FAM161A: variants seen among roughly 807,000 people sequenced by gnomAD.
FAM161A encodes protein FAM161A.
FAM161A carries 57 observed loss-of-function variants against 70.9 expected under a neutral mutation model. The ratio of observed to expected loss-of-function variants is 0.80; its 90% confidence interval spans 0.65 to 1.00. FAM161A has a LOEUF of 1.00. Ranked by LOEUF, FAM161A falls within the 50% of genes least tolerant of loss-of-function variation. FAM161A has a pLI of 0.00. For synonymous variants in FAM161A, 299 were observed against 295.7 expected, an observed-to-expected ratio of 1.01 and a Z score of -0.12; for missense variants, 880 against 836.0, an observed-to-expected ratio of 1.05 and a Z score of -0.65.
downstream of FAM161A, among the ~76,000 whole-genome samples, chr2:61,819,962 A>AT (rs577135079): frequency 9.3e-4 from 141 of 152,204 alleles, no homozygotes; most frequent in Admixed American, 2.6e-3. Context: ...CATAGAGGAT[A>AT]TTTTTTGTCT....
the FAM161A span, among the ~76,000 whole-genome samples, chr2:61,813,378 T>TAA: frequency 2.1e-3 from 309 of 144,878 alleles, 1 homozygote; most frequent in Middle Eastern, 0.018. Flanking sequence ...TCGTCTCTAC[T>TAA]AAAAAAAAAA....
the FAM161A span, among the ~76,000 whole-genome samples, chr2:61,817,768 A>G: frequency 6.6e-6 from 1 of 152,274 alleles, no homozygotes; most frequent in East Asian, 1.9e-4. Context: ...GGAGACCAAG[A>G]CCAGCCTGGG....
chr2:61,826,500 G>C lies in FAM161A; in HGVS notation c.2106C>G (p.Ala702=), dbSNP rs1373123200. Residue 702 remains alanine (A), a synonymous_variant, in exon 7 of 7, where the codon GCC becomes GCG. Transcript: ENST00000404929. ...ATTTCTCTTCTTCACTTTCCTCATT[G>C]GCTTCATCTTTTTCCTTGTAAGAAT... ...SQDSYKEKDE[A]NEESEEEKSV... is the part of the protein sequence containing the mutation. 6.2e-7 allele frequency: 1 copy of C among 1,608,464 alleles called. No homozygotes were observed. The highest frequency in any genetic ancestry group is 2.2e-5 in the East Asian group (1 of 44,832).
At chr2:61,807,633 A>ATTTTT in the FAM161A span, among the ~76,000 whole-genome samples, 194 of 113,298 alleles carry the variant, frequency 1.7e-3, 4 homozygotes, top group African/African-American at 5.5e-3. Context: ...TGGACTCCAG[A>ATTTTT]TTTTTTTTTT....
chr2:61,813,028 A>C, the FAM161A span, among the ~76,000 whole-genome samples: 1 of 152,122 alleles, frequency 6.6e-6, no homozygotes, highest in Non-Finnish European at 1.5e-5. Context: ...ATGCCACTGC[A>C]CTCCAGCCTG....
chr2:61,807,974 C>T, the FAM161A span, among the ~76,000 whole-genome samples: 1 of 152,118 alleles, frequency 6.6e-6, no homozygotes, highest in East Asian at 1.9e-4. Context: ...AGTGTGGGCC[C>T]AGTGCTGCTA....
chr2:61,832,174 G>T (rs1672601470), intron 5 of FAM161A, among the ~76,000 whole-genome samples: 1 of 150,740 alleles, frequency 6.6e-6, no homozygotes, highest in Non-Finnish European at 1.5e-5. Flanking sequence ...GAGCCCAAGG[G>T]GTTAAAGTTG....
chr2:61,812,291 T>C, the FAM161A span, among the ~76,000 whole-genome samples: 2 of 152,280 alleles, frequency 1.3e-5, no homozygotes, highest in Non-Finnish European at 2.9e-5. Flanking sequence ...TGTTTGCTGA[T>C]GTATTCTCAG....
intron 5 of FAM161A, 63 bp downstream of exon 5, chr2:61,835,947 A>G: frequency 9.8e-7 from 1 of 1,015,234 alleles, no homozygotes; most frequent in Non-Finnish European, 1.5e-6. Flanking sequence ...TAAATTTAGG[A>G]GCTAAAGCTG....
At chr2:61,802,336 T>C in the FAM161A span, among the ~76,000 whole-genome samples, 6 of 152,110 alleles carry the variant, frequency 3.9e-5, no homozygotes, top group African/African-American at 1.4e-4. Flanking sequence ...TCCAGCACCA[T>C]AGGTAATCCG....
intron 1 of FAM161A, among the ~76,000 whole-genome samples, chr2:61,843,229 T>C (rs1249290469): frequency 6.6e-6 from 1 of 152,086 alleles, no homozygotes; most frequent in South Asian, 2.1e-4. Flanking sequence ...CTGCAACCTC[T>C]GCCTTCTCCT....
At chr2:61,847,161 CA>C (rs964059518) in intron 1 of FAM161A, among the ~76,000 whole-genome samples, 2 of 150,376 alleles carry the variant, frequency 1.3e-5, no homozygotes, top group African/African-American at 4.9e-5. Flanking sequence ...GGCTCCATCT[CA>C]AAAAAAAAGA....
intron 5 of FAM161A, chr2:61,835,526 T>A (rs913561218): frequency 1.3e-5 from 2 of 152,594 alleles, no homozygotes; most frequent in African/African-American, 2.4e-5. Context: ...TTTCATTTTT[T>A]TAATTCTTCA....
rs1672315252 is a variant in FAM161A, at chr2:61,825,399, A to G, written c.*1056T>C. The G allele has an allele frequency of 2.2e-6, 1 of 454,120 alleles. No individual in the cohort carries two copies. The highest frequency in any genetic ancestry group is 4.4e-6 in the Non-Finnish European group (1 of 226,788). The allele number at this position is 454,120 out of a possible 1,614,324, so 28.1% of individuals were successfully genotyped here. On this transcript the variant is annotated 3_prime_UTR_variant, in exon 7 of 7. Coordinates refer to ENST00000404929, the MANE Select transcript of FAM161A (RefSeq NM_001201543.2). ...TTATGCACAATTTCATCATATAAAA[A>G]AAGGGATACTTGCCCCTAATTTAGA...
chr2:61,809,396 A>T, the FAM161A span, among the ~76,000 whole-genome samples: 2 of 151,960 alleles, frequency 1.3e-5, no homozygotes, highest in African/African-American at 4.8e-5. Context: ...TATTTCAATG[A>T]CTCCCAAATT....
At chr2:61,819,021 T>A in the FAM161A span, among the ~76,000 whole-genome samples, 3 of 152,190 alleles carry the variant, frequency 2.0e-5, no homozygotes, top group African/African-American at 7.2e-5. Flanking sequence ...ATTAGTTAGG[T>A]AGTATTCATG....
At chr2:61,805,394 T>C in the FAM161A span, among the ~76,000 whole-genome samples, 1 of 152,146 alleles carries the variant, frequency 6.6e-6, no homozygotes, top group South Asian at 2.1e-4. Context: ...CGGGAGCCTG[T>C]AATCCCAGCT....
At chr2:61,801,708 G>A in the FAM161A span, among the ~76,000 whole-genome samples, 2 of 151,738 alleles carry the variant, frequency 1.3e-5, no homozygotes, top group Non-Finnish European at 2.9e-5. Flanking sequence ...TTATAGACAC[G>A]TGCCACCACG....
chr2:61,848,140 T>G (rs1558490829), intron 1 of FAM161A, among the ~76,000 whole-genome samples: 1 of 152,220 alleles, frequency 6.6e-6, no homozygotes, highest in Non-Finnish European at 1.5e-5. Flanking sequence ...AAATCATGTC[T>G]TATAGCAGTC....
Sources: allele counts gnomAD v4.1 joint callset (sites outside exome capture counted in the v4.1 genomes callset), GRCh38; gene constraint gnomAD v4.1.1; transcripts MANE v1.5; gene names NCBI Gene and HGNC (gene_info 2026-07-23, HGNC 2026-07-21).